The following MAPRE2 variants were observed in gnomAD, a reference collection of about 807,000 sequenced individuals.
MAPRE2 encodes microtubule associated protein RP/EB family member 2, also known as microtubule-associated protein RP/EB family member 2.
A neutral mutation model predicts 43.2 loss-of-function variants in MAPRE2; 13 were observed. The observed-to-expected ratio is 0.30, with a 90% CI of 0.20 to 0.48. The LOEUF (loss-of-function observed/expected upper bound fraction) is 0.48, where lower values mean the gene tolerates loss of function less well. Ranked by LOEUF, MAPRE2 falls within the 20% of genes least tolerant of loss-of-function variation. The pLI is 0.99. For synonymous variants in MAPRE2, 135 were observed against 148.8 expected, an observed-to-expected ratio of 0.91 and a Z score of 0.68; for missense variants, 161 against 400.2, an observed-to-expected ratio of 0.40 and a Z score of 5.10.
chr18:35,037,827 A>G (rs958583458), upstream of MAPRE2, among the ~76,000 whole-genome samples: 33 of 152,098 alleles, frequency 2.2e-4, no homozygotes, highest in Non-Finnish European at 4.3e-4. Context: ...TTCGATCTCT[A>G]TATATCTTTC....
At chr18:35,029,913 A>G (rs1245748537) in intron 2 of MAPRE2, among the ~76,000 whole-genome samples, 1 of 152,254 alleles carries the variant, frequency 6.6e-6, no homozygotes, top group African/African-American at 2.4e-5. Context: ...GTCTTGGCAT[A>G]GTGAAAATGA....
At chr18:35,070,081 G>A in intron 1 of MAPRE2, 114 bp from the exon 2 acceptor site, 2 of 737,258 alleles carry the variant, frequency 2.7e-6, no homozygotes, top group Admixed American at 5.9e-5. Context: ...GGCTTAGCCA[G>A]AGCAGGACTT....
Position 35,034,869 on chromosome 18 carries a change from C to T in MAPRE2, c.-8+29316C>T, listed in dbSNP as rs926293721. Among the ~76,000 whole-genome samples the T allele has an allele frequency of 6.6e-4, 101 of 152,204 alleles. 1 individual carries two copies. Among genetic ancestry groups the T allele is most frequent in the African/African-American group, 2.3e-3 (96 of 41,540 alleles). The stretch of plus-strand genomic sequence containing the variant: ...TTAAAAAGTCAGGAAACAACAGGTG[C>T]TGGAGAGGATGTGGAGAAATAGGAA... On this transcript the variant is annotated intron_variant, in intron 2 of 7. Coordinates refer to the MAPRE2 transcript ENST00000413393.
chr18:35,127,448 G>A (rs1909956885), intron 5 of MAPRE2: 1 of 173,782 alleles, frequency 5.8e-6, no homozygotes, highest in Non-Finnish European at 1.2e-5. Flanking sequence ...GGGTGAGTCT[G>A]CCTCCCTCTC....
At chr18:35,021,712 A>C (rs2097042028) in intron 2 of MAPRE2, among the ~76,000 whole-genome samples, 1 of 152,178 alleles carries the variant, frequency 6.6e-6, no homozygotes, top group African/African-American at 2.4e-5. Context: ...ATAAAGCAAA[A>C]GATGAAAAGA....
At chr18:35,060,062 C>T (rs1416329511) in intron 1 of MAPRE2, among the ~76,000 whole-genome samples, 2 of 152,204 alleles carry the variant, frequency 1.3e-5, no homozygotes, top group Admixed American at 6.5e-5. Flanking sequence ...TGATTTTATG[C>T]AGTGGACTAA....
At chr18:35,093,778 G>A (rs1908271791) in intron 2 of MAPRE2, among the ~76,000 whole-genome samples, 1 of 152,172 alleles carries the variant, frequency 6.6e-6, no homozygotes, top group Admixed American at 6.5e-5. Flanking sequence ...AAAGCAGAGG[G>A]AGGAATGGAG....
chr18:35,088,371 G>C (rs558080644), intron 2 of MAPRE2, among the ~76,000 whole-genome samples: 1 of 152,298 alleles, frequency 6.6e-6, no homozygotes, highest in African/African-American at 2.4e-5. Context: ...GGAACAGCAA[G>C]GAAGCCAGCA....
At chr18:35,126,584 T>C (rs1909912744) in intron 4 of MAPRE2, among the ~76,000 whole-genome samples, 1 of 152,230 alleles carries the variant, frequency 6.6e-6, no homozygotes, top group Admixed American at 6.5e-5. Context: ...TCTTGTTTGT[T>C]AGAAATTCAA....
intron 2 of MAPRE2, among the ~76,000 whole-genome samples, chr18:35,082,956 C>CT (rs1907712587): frequency 6.6e-6 from 1 of 152,208 alleles, no homozygotes; most frequent in East Asian, 1.9e-4. Flanking sequence ...ACTCTCAAGA[C>CT]TAAGTTACTT....
intron 1 of MAPRE2, among the ~76,000 whole-genome samples, chr18:35,001,717 T>G (rs907165941): frequency 1.3e-5 from 2 of 149,352 alleles, no homozygotes; most frequent in African/African-American, 4.9e-5. Flanking sequence ...AGTGGGTGAG[T>G]TTTTTTTTTC....
chr18:35,003,306 A>G (rs1568968428), intron 1 of MAPRE2, among the ~76,000 whole-genome samples: 1 of 152,196 alleles, frequency 6.6e-6, no homozygotes, highest in African/African-American at 2.4e-5. Context: ...CTATTAAGGT[A>G]TTTTAGTGTG....
At position 35,141,665 on chromosome 18, in the gene MAPRE2, CTTTA is replaced by C. The variant is rs988558931; in HGVS notation, c.*1300_*1303del. 2 of 133,292 alleles carry C rather than the reference CTTTA, an allele frequency of 1.5e-5. No homozygotes were observed. The highest frequency in any genetic ancestry group is 5.9e-5 in the African/African-American group (2 of 33,730). 8.3% of individuals were successfully genotyped at this position (133,292 alleles called of 1,614,324 possible). A position where few individuals can be genotyped will look rare whatever the true frequency, so the allele number is the denominator to read the frequency against. Reference sequence around the variant, plus strand: ...TTCCAAGTCTTTGCCTCTTTTTTTTCTTTATTTTTATTTTTTCCTTTGACAGATG... The same window carrying C: ...TTCCAAGTCTTTGCCTCTTTTTTTTCTTTTTATTTTTTCCTTTGACAGATG... On this transcript the variant is annotated 3_prime_UTR_variant, in exon 7 of 7. Coordinates refer to ENST00000300249, the MANE Select transcript of MAPRE2 (RefSeq NM_014268.4).
chr18:35,070,326 A>G lies in MAPRE2; in HGVS notation c.250+4A>G. On this transcript the variant is annotated splice_donor_region_variant and intron_variant, in intron 2 of 6. Transcript: ENST00000300249. ...AAAGTGGAACAGCTTTGTTCAGGTAAGACATATTCTTTTAAGTGTTTACCT... is the reference window on the plus strand; with the variant it reads ...AAAGTGGAACAGCTTTGTTCAGGTAGGACATATTCTTTTAAGTGTTTACCT... 6.3e-7 allele frequency: 1 copy of G among 1,589,154 alleles called. No individual in the cohort carries two copies. The highest frequency in any genetic ancestry group is 8.5e-7 in the Non-Finnish European group (1 of 1,170,556).
chr18:35,014,662 G>A (rs1035765075), intron 2 of MAPRE2, among the ~76,000 whole-genome samples: 1 of 152,052 alleles, frequency 6.6e-6, no homozygotes, highest in African/African-American at 2.4e-5. Context: ...GCCCTCTGTT[G>A]ACTACAGAGA....
Position 35,140,578 on chromosome 18 carries a change from G to A in MAPRE2, c.*209G>A, listed in dbSNP as rs12954409. 21,274 of 554,188 alleles carry A rather than the reference G, an allele frequency of 0.038. 547 individuals are homozygous for A. The highest frequency in any genetic ancestry group is 0.083 in the South Asian group (3,250 of 39,368). The allele number at this position is 554,188 out of a possible 1,614,324, so 34.3% of individuals were successfully genotyped here. The stretch of plus-strand genomic sequence containing the variant: ...CGGACGGCCCTCTGGCCACCTACCC[G>A]AGAGATCGTAGGGTCACATACATCC... On this transcript the variant is annotated 3_prime_UTR_variant, in exon 7 of 7. Transcript: ENST00000300249.
At position 35,041,483 on chromosome 18, in the gene MAPRE2, C is replaced by A; in HGVS notation, c.-57C>A. The A allele has an allele frequency of 1.2e-6, 2 of 1,612,778 alleles. No homozygotes were observed. Among genetic ancestry groups the A allele is most frequent in the South Asian group, 1.1e-5 (1 of 91,056 alleles). ...CAGGCGAGCGAGCGGGAAGACGCAG[C>A]CACCTTCCTCACCAGCCAGCCCACA... On this transcript the variant is annotated 5_prime_UTR_variant, in exon 1 of 7. Coordinates refer to ENST00000300249, the MANE Select transcript of MAPRE2 (RefSeq NM_014268.4).
At chr18:35,039,369 T>C (rs867337938), upstream of MAPRE2, among the ~76,000 whole-genome samples, 7 of 152,220 alleles carry the variant, frequency 4.6e-5, no homozygotes, top group African/African-American at 1.4e-4. Context: ...CTTTAGCTCA[T>C]AGTGCAATGT....
In MAPRE2 at chr18:35,127,105, G is replaced by GC; in HGVS notation, c.750+20dup. 1 of 1,613,984 alleles carries GC rather than the reference G, an allele frequency of 6.2e-7. No individual in the cohort carries two copies. Among genetic ancestry groups the GC allele is most frequent in the East Asian group, 2.2e-5 (1 of 44,882 alleles). On this transcript the variant is annotated intron_variant, in intron 5 of 6. Transcript: ENST00000300249. ...ATGAACAGGTAATGCATCAGCTCTG[G>GC]CCACGCCTCTAGGAGCAGTGACGTG... is the stretch of plus-strand genomic sequence containing the variant.
Sources: gnomAD v4.1 joint callset for allele counts (sites outside exome capture counted in the v4.1 genomes callset) on GRCh38, gnomAD v4.1.1 for gene constraint, MANE v1.5 for transcripts, NCBI Gene and HGNC (gene_info 2026-07-23, HGNC 2026-07-21) for gene names.